TAS2R14: variants seen among roughly 807,000 people sequenced by gnomAD.
The protein encoded by TAS2R14 is taste receptor type 2 member 14.
For synonymous variants in TAS2R14, 131 were observed against 131.0 expected, an observed-to-expected ratio of 1.00 and a Z score of 0.00; for missense variants, 383 against 372.0, an observed-to-expected ratio of 1.03 and a Z score of -0.24.
At chr12:10,939,111 T>C in exon 1 of TAS2R14, 1 of 1,613,054 alleles carries the variant, frequency 6.2e-7, no homozygotes, top group Admixed American at 1.7e-5. Context: ...ACCCAGTCAA[T>C]ACAGTTCACC....
At chr12:10,938,934 T>C in exon 1 of TAS2R14, 1 of 1,613,946 alleles carries the variant, frequency 6.2e-7, no homozygotes, top group Non-Finnish European at 8.5e-7. Context: ...AAATGATTGA[T>C]CACTGTCCAG....
Position 10,938,602 on chromosome 12 carries a change from G to A in TAS2R14, c.606C>T (p.Ile202=), listed in dbSNP as rs1363974035. 8 of 1,613,838 alleles carry A rather than the reference G, an allele frequency of 5.0e-6. No homozygotes were observed. The Middle Eastern group carries it at 6.6e-4, about 133-fold the overall frequency. ...TCTTGCGATGTTTCCACATGGAGAAGATGAGGAGAAGAAACATTGCCAGGG... is the reference window on the plus strand; with the variant it reads ...TCTTGCGATGTTTCCACATGGAGAAAATGAGGAGAAGAAACATTGCCAGGG... Residue 202 remains isoleucine, a synonymous_variant, in exon 1 of 1, where the codon ATC becomes ATT. Transcript: ENST00000537503.
exon 1 of TAS2R14, chr12:10,938,290 C>T (rs368519628): frequency 9.3e-6 from 15 of 1,610,120 alleles, no homozygotes; most frequent in South Asian, 1.1e-5. Context: ...GACCTGAGGG[C>T]TCCCCATCTT....
chr12:10,938,832 C>T (rs775047478), exon 1 of TAS2R14: 1 of 1,613,560 alleles, frequency 6.2e-7, no homozygotes, highest in South Asian at 1.1e-5. Context: ...ACCTTTTTAA[C>T]CCTCCACTTT....
chr12:10,938,713 G>T (rs1315109161), intron 4 of TAS2R14: 1 of 1,613,638 alleles, frequency 6.2e-7, no homozygotes, highest in Non-Finnish European at 8.5e-7. Context: ...AATCAGAACT[G>T]CAAGTCTTGT....
exon 1 of TAS2R14, chr12:10,938,618 A>G (rs765609254): frequency 1.6e-5 from 26 of 1,613,780 alleles, no homozygotes. Flanking sequence ...GAGAAGAAAC[A>G]TTGCCAGGGA....
chr12:10,939,060 C>T, exon 1 of TAS2R14: 1 of 1,613,998 alleles, frequency 6.2e-7, no homozygotes, highest in South Asian at 1.1e-5. Flanking sequence ...ATTGCCAAAG[C>T]AGTGAGGATC....
At chr12:10,939,261 G>A in exon 1 of TAS2R14, 1 of 1,007,120 alleles carries the variant, frequency 9.9e-7, no homozygotes, top group South Asian at 1.7e-5. Context: ...ACTTCTTAAT[G>A]CATTCATCTA....
At chr12:10,938,562 CAG>C in exon 5 of TAS2R14, 7 of 1,613,990 alleles carry the variant, frequency 4.3e-6, no homozygotes, top group Non-Finnish European at 5.9e-6. Context: ...GATATTTTGA[CAG>C]TGTGCTGCAT....
chr12:10,938,978 G>A (rs1292563862), exon 1 of TAS2R14: 2 of 1,612,828 alleles, frequency 1.2e-6, no homozygotes, highest in East Asian at 2.2e-5. Flanking sequence ...TTTTTCAGTG[G>A]CAAATAAAGC....
At chr12:10,938,706 CAG>C in intron 4 of TAS2R14, 2 of 1,613,946 alleles carry the variant, frequency 1.2e-6, no homozygotes, top group Non-Finnish European at 1.7e-6. Context: ...TTACTTGAAT[CAG>C]AACTGCAAGT....
chr12:10,938,595 T>A (rs1240810957), exon 1 of TAS2R14: 2 of 1,613,792 alleles, frequency 1.2e-6, no homozygotes, highest in Non-Finnish European at 1.7e-6. Context: ...TGTTTCCACA[T>A]GGAGAAGATG....
At chr12:10,938,682 A>C (rs1950336605) in exon 1 of TAS2R14, 2 of 1,613,946 alleles carry the variant, frequency 1.2e-6, no homozygotes, top group African/African-American at 2.7e-5. Flanking sequence ...ATAAGACTGG[A>C]AAATCGTGTA....
In TAS2R14 at chr12:10,938,418, G is replaced by C. The variant is rs758966426; in HGVS notation, c.790C>G (p.Leu264Val). 184 of 1,613,890 alleles carry C rather than the reference G, an allele frequency of 1.1e-4. No homozygotes were observed. Among genetic ancestry groups the C allele is most frequent in the Non-Finnish European group, 1.5e-4 (180 of 1,179,958 alleles). The stretch of plus-strand genomic sequence containing the variant: ...TAAGCCATTCCCATCACCTGGGAAA[G>C]AATAATTAGATTTTCCTCCAACCTT... The change falls in exon 1 of 1, where the codon CTT becomes GTT. Residue 264 changes from leucine to valine, a missense_variant. By Grantham distance (32) the Leu-to-Val change is conservative (BLOSUM62 1). Transcript: ENST00000537503.
chr12:10,939,263 A>C, exon 1 of TAS2R14: 1 of 997,242 alleles, frequency 1.0e-6, no homozygotes, highest in Non-Finnish European at 1.5e-6. Flanking sequence ...TTCTTAATGC[A>C]TTCATCTAAA....
At position 10,939,033 on chromosome 12, in the gene TAS2R14, C is replaced by T. The variant is rs1950346609; in HGVS notation, c.175G>A (p.Val59Ile). The T allele has an allele frequency of 1.2e-6, 2 of 1,613,666 alleles. No homozygotes were observed. Among genetic ancestry groups the T allele is most frequent in the Admixed American group, 3.3e-5 (2 of 59,890 alleles). ...CACCAGCTTCCGAATATTAACCAAA[C>T]CAGGCTAATTCGAGAGATTGCCAAA... Residue 59 changes from valine to isoleucine, a missense_variant, in exon 1 of 1, where the codon GTT becomes ATT. Coordinates refer to ENST00000537503, the Ensembl canonical transcript of TAS2R14.
exon 1 of TAS2R14, chr12:10,939,149 C>G: frequency 6.2e-7 from 1 of 1,601,726 alleles, no homozygotes; most frequent in Non-Finnish European, 8.5e-7. Context: ...TCCTAAATTT[C>G]CAATTATAAA....
chr12:10,937,541 A>G (rs1169111816), exon 1 of TAS2R14: 1 of 152,188 alleles, frequency 6.6e-6, no homozygotes, highest in Non-Finnish European at 1.5e-5. Flanking sequence ...TTAAAACACT[A>G]GAAAACACTC....
chr12:10,939,003 A>T (rs533081426), exon 1 of TAS2R14: 2 of 1,613,748 alleles, frequency 1.2e-6, no homozygotes, highest in Non-Finnish European at 1.7e-6. Flanking sequence ...AAAAACACAG[A>T]CACACACCAG....
Sources: gnomAD v4.1 joint callset for allele counts on GRCh38, gnomAD v4.1.1 for gene constraint, MANE v1.5 for transcripts, NCBI Gene and HGNC (gene_info 2026-07-23, HGNC 2026-07-21) for gene names.